Variants in PCDHA2 observed in about 807,000 individuals in gnomAD.
The protein encoded by PCDHA2 is protocadherin alpha-2.
Under a neutral mutation model 66.0 loss-of-function variants are expected in PCDHA2, and 58 were observed. The observed-to-expected ratio is 0.88, with a 90% CI of 0.71 to 1.09. The LOEUF is 1.09. Among genes scored for constraint, PCDHA2 ranks in the 50% least tolerant of loss-of-function variants. The pLI is 0.00. For missense variants in PCDHA2, 1,267 were observed against 1,242.3 expected (o/e 1.02, Z -0.30); for synonymous variants, 634 against 554.0 (o/e 1.14, Z -2.03).
At chr5:140,927,481 G>A in intron 1 of PCDHA2, 1 of 1,614,072 alleles carries the variant, frequency 6.2e-7, no homozygotes, top group Non-Finnish European at 8.5e-7. Flanking sequence ...CGAACAGCGC[G>A]CCACCCACCT....
At position 140,853,566 on chromosome 5, in the gene PCDHA2, G is replaced by A; in HGVS notation, c.2388+56214G>A. 2.0e-6 allele frequency: 2 copies of A among 981,338 alleles called. 1 individual carries two copies. The highest frequency in any genetic ancestry group is 2.5e-6 in the Non-Finnish European group (2 of 813,850). 60.8% of individuals were successfully genotyped at this position (981,338 alleles called of 1,614,324 possible). A position where few individuals can be genotyped will look rare whatever the true frequency, so the allele number is the denominator to read the frequency against. ...GTAATTACTATATAGGAAAAACTAA[G>A]TTGTCACCCAATATCTTAGACACTT... On this transcript the variant is annotated intron_variant, in intron 1 of 3. Transcript: ENST00000526136.
chr5:140,926,762 C>A (rs1186997274), intron 1 of PCDHA2: 5 of 1,326,554 alleles, frequency 3.8e-6, no homozygotes, highest in East Asian at 2.8e-5. Context: ...CGCTGAGTAT[C>A]CAGCCCGCAG....
chr5:140,849,816 G>C (rs2150451582), intron 1 of PCDHA2: 2 of 1,598,578 alleles, frequency 1.3e-6, no homozygotes, highest in Admixed American at 1.7e-5. Context: ...CACGGCCAGG[G>C]TGTCTGTGGA....
intron 3 of PCDHA2, among the ~76,000 whole-genome samples, chr5:141,007,315 C>A (rs1207897662): frequency 1.3e-5 from 2 of 148,308 alleles, no homozygotes; most frequent in Admixed American, 1.4e-4. Flanking sequence ...TTTTGGGAGG[C>A]TAAAGTGGAC....
intron 1 of PCDHA2, among the ~76,000 whole-genome samples, chr5:140,962,929 A>T (rs1386992197): frequency 1.3e-5 from 2 of 152,070 alleles, no homozygotes; most frequent in Non-Finnish European, 2.9e-5. Context: ...ATACTTCTCA[A>T]CCTCCTCTCC....
At chr5:140,829,399 G>A in intron 1 of PCDHA2, 2 of 1,614,074 alleles carry the variant, frequency 1.2e-6, no homozygotes, top group African/African-American at 1.3e-5. Context: ...CTTCGCTGTG[G>A]GCCACCGCCA....
chr5:140,990,694 C>T (rs549554926), intron 3 of PCDHA2, among the ~76,000 whole-genome samples: 10 of 152,108 alleles, frequency 6.6e-5, no homozygotes, highest in Non-Finnish European at 1.5e-4. Context: ...TCGGAGAGTC[C>T]AGATTTATGG....
At chr5:140,901,207 T>C (rs894216497) in intron 1 of PCDHA2, among the ~76,000 whole-genome samples, 1 of 152,206 alleles carries the variant, frequency 6.6e-6, no homozygotes, top group Non-Finnish European at 1.5e-5. Context: ...AGAAGGTTTT[T>C]AAGTTGATGT....
chr5:140,883,369 C>A (rs781885590), intron 1 of PCDHA2: 4 of 1,614,064 alleles, frequency 2.5e-6, no homozygotes, highest in Non-Finnish European at 1.7e-6. Context: ...AGCCTAGCGC[C>A]ATTATTGCCC....
chr5:140,843,884 A>G, intron 1 of PCDHA2: 1 of 710,520 alleles, frequency 1.4e-6, no homozygotes, highest in South Asian at 2.0e-5. Flanking sequence ...GGCATAATAC[A>G]GTATTAATCA....
rs782133260 is a variant in PCDHA2 at position 140,856,504 on chromosome 5, A to G, written c.2388+59152A>G. 3.8e-6 allele frequency: 6 copies of G among 1,598,348 alleles called. 1 individual carries two copies. The highest frequency in any genetic ancestry group is 8.6e-7 in the Non-Finnish European group (1 of 1,167,852). ...CCAGACTGCTTGACTCTCGATTTCC[A>G]CTAGAAGGCGCATCTGATGCGGATG... On this transcript the variant is annotated intron_variant, in intron 1 of 3. Transcript: ENST00000526136.
At chr5:140,820,840 C>T (rs1421373475) in intron 1 of PCDHA2, among the ~76,000 whole-genome samples, 2 of 151,766 alleles carry the variant, frequency 1.3e-5, no homozygotes, top group African/African-American at 4.8e-5. Flanking sequence ...GTAATAGCAA[C>T]TTGAAGAAAT....
In PCDHA2 at chr5:140,850,519, C is replaced by T. The variant is rs2150487298; in HGVS notation, c.2388+53167C>T. On this transcript the variant is annotated intron_variant, in intron 1 of 3. Coordinates refer to ENST00000526136, the MANE Select transcript of PCDHA2 (RefSeq NM_018905.3). ...GTGTCGCTGGTGGAGAGCGGCCAGG[C>T]GCCAAAGTCATCGTCGCGGGCGTCA... 675 of 1,598,240 alleles carry T rather than the reference C, an allele frequency of 4.2e-4. 26 individuals carry two copies. In the South Asian group the frequency reaches 6.8e-3, roughly 16 times the overall value.
chr5:140,974,553 C>G (rs1554236197), intron 1 of PCDHA2, among the ~76,000 whole-genome samples: 1 of 151,870 alleles, frequency 6.6e-6, no homozygotes, highest in African/African-American at 2.4e-5. Context: ...CTCTTGTTGC[C>G]CAGGCTGGAG....
chr5:140,913,659 A>T (rs1414002446), intron 1 of PCDHA2, among the ~76,000 whole-genome samples: 2 of 152,044 alleles, frequency 1.3e-5, no homozygotes, highest in Non-Finnish European at 2.9e-5. Flanking sequence ...TTTAAGATGT[A>T]TAGTTAGGTT....
At position 140,836,743 on chromosome 5, in the gene PCDHA2, G is replaced by A. The variant is rs143805132; in HGVS notation, c.2388+39391G>A. The A allele has an allele frequency of 3.8e-4, 606 of 1,593,492 alleles. 2 individuals carry two copies. Among genetic ancestry groups the A allele is most frequent in the Non-Finnish European group, 4.1e-4 (480 of 1,171,798 alleles). ...GGTCCATCCTCTACAGACAATGTGA[G>A]TCATAAATAATCTTGTTTCCAACAA... On this transcript the variant is annotated intron_variant, in intron 1 of 3. Transcript: ENST00000526136.
chr5:140,962,046 G>A (rs2095653396), intron 1 of PCDHA2, among the ~76,000 whole-genome samples: 1 of 151,964 alleles, frequency 6.6e-6, no homozygotes, highest in African/African-American at 2.4e-5. Flanking sequence ...ACCATGCCTG[G>A]CTAATTTTTT....
At chr5:140,805,026 A>C in intron 1 of PCDHA2, 6 of 1,579,022 alleles carry the variant, frequency 3.8e-6, no homozygotes, top group Non-Finnish European at 5.1e-6. Context: ...CTTCTTGAAT[A>C]TAATAGAGTC....
chr5:140,992,823 T>A (rs1261484178), intron 3 of PCDHA2, among the ~76,000 whole-genome samples: 1 of 152,140 alleles, frequency 6.6e-6, no homozygotes, highest in Non-Finnish European at 1.5e-5. Flanking sequence ...ATGTGTTTGT[T>A]TTTTGGGAAC....
Sources: allele counts gnomAD v4.1 joint callset (sites outside exome capture counted in the v4.1 genomes callset), GRCh38; gene constraint gnomAD v4.1.1; transcripts MANE v1.5; gene names NCBI Gene and HGNC (gene_info 2026-07-23, HGNC 2026-07-21).